FRMD6: variants seen among roughly 807,000 people sequenced by gnomAD.
FRMD6 encodes the protein FERM domain-containing protein 6.
Under a neutral mutation model 73.2 loss-of-function variants are expected in FRMD6, and 37 were observed. The observed-to-expected ratio is 0.51, with a 90% confidence interval of 0.39 to 0.66. FRMD6 has a LOEUF of 0.66. Among genes scored for constraint, FRMD6 ranks in the 30% least tolerant of loss-of-function variants. The probability of loss-of-function intolerance (pLI) is 0.00; values close to 1 mark genes in which losing one functional copy is unlikely to be tolerated. For synonymous variants in FRMD6, 273 were observed against 282.2 expected (o/e 0.97, Z 0.33); for missense variants, 714 against 780.5 (o/e 0.91, Z 1.02).
At chr14:51,668,820 AC>A (rs1893791050) in intron 1 of FRMD6, among the ~76,000 whole-genome samples, 1 of 151,638 alleles carries the variant, frequency 6.6e-6, no homozygotes, top group Non-Finnish European at 1.5e-5. Context: ...GGCATGCACC[AC>A]CACACCCGGC....
the FRMD6 span, among the ~76,000 whole-genome samples, chr14:51,428,414 T>G: frequency 6.6e-6 from 1 of 152,230 alleles, no homozygotes; most frequent in East Asian, 1.9e-4. Flanking sequence ...TCTACTGCAA[T>G]GATCTCAGTG....
chr14:51,634,696 CCT>C (rs1349911178), intron 2 of FRMD6, among the ~76,000 whole-genome samples: 1 of 151,880 alleles, frequency 6.6e-6, no homozygotes, highest in Non-Finnish European at 1.5e-5. Context: ...TAGAAAATTC[CCT>C]CTCACAAATT....
intron 11 of FRMD6, among the ~76,000 whole-genome samples, chr14:51,721,712 AAGGAAGG>A (rs1897592678): frequency 9.0e-6 from 1 of 111,480 alleles, no homozygotes; most frequent in African/African-American, 3.4e-5. Context: ...GGAAGGAAGG[AAGGAAGG>A]GAGGGAGGAA....
chr14:51,609,988 G>T (rs1285132973), intron 2 of FRMD6, among the ~76,000 whole-genome samples: 1 of 152,146 alleles, frequency 6.6e-6, no homozygotes, highest in African/African-American at 2.4e-5. Flanking sequence ...TCAGATAGAG[G>T]ATTGAGCTCT....
chr14:51,552,565 A>G (rs1018338430), intron 1 of FRMD6, among the ~76,000 whole-genome samples: 15 of 152,224 alleles, frequency 9.9e-5, no homozygotes, highest in Non-Finnish European at 1.6e-4. Context: ...GCGTTCACCC[A>G]GTGCTAGTTT....
At chr14:51,714,494 A>G (rs1897134940) in intron 9 of FRMD6, 1 of 152,182 alleles carries the variant, frequency 6.6e-6, no homozygotes, top group African/African-American at 2.4e-5. Flanking sequence ...CCTATTCATT[A>G]TTAGGAAAGT....
intron 1 of FRMD6, among the ~76,000 whole-genome samples, chr14:51,517,256 A>G (rs1168099983): frequency 1.3e-5 from 2 of 152,158 alleles, no homozygotes; most frequent in African/African-American, 4.8e-5. Flanking sequence ...CGGTTTGGTT[A>G]TTTCCATACA....
chr14:51,676,981 A>G (rs568522252), intron 1 of FRMD6, among the ~76,000 whole-genome samples: 2 of 152,048 alleles, frequency 1.3e-5, no homozygotes, highest in Non-Finnish European at 2.9e-5. Context: ...AGAACCTTCT[A>G]TTTGTAATCT....
intron 2 of FRMD6, among the ~76,000 whole-genome samples, chr14:51,610,327 C>T (rs1261699514): frequency 5.1e-5 from 4 of 77,824 alleles, no homozygotes; most frequent in Admixed American, 1.1e-4. Flanking sequence ...TTTTTTTAAT[C>T]CCTTTTTTTT....
At chr14:51,437,661 T>C in the FRMD6 span, among the ~76,000 whole-genome samples, 7 of 152,346 alleles carry the variant, frequency 4.6e-5, no homozygotes, top group East Asian at 9.7e-4. Flanking sequence ...AGTCTTCCTT[T>C]TTCCCTTTTT....
At chr14:51,561,755 G>T (rs187256662) in intron 1 of FRMD6, among the ~76,000 whole-genome samples, 1 of 152,208 alleles carries the variant, frequency 6.6e-6, no homozygotes, top group Admixed American at 6.5e-5. Context: ...GAAAAAGAAG[G>T]TCAAGGGCAT....
chr14:51,400,256 A>C, the FRMD6 span, among the ~76,000 whole-genome samples: 1 of 152,188 alleles, frequency 6.6e-6, no homozygotes, highest in African/African-American at 2.4e-5. Context: ...CCCTTTGACC[A>C]ATGTCTTTCC....
the FRMD6 span, among the ~76,000 whole-genome samples, chr14:51,435,365 CAA>C: frequency 6.6e-6 from 1 of 150,864 alleles, no homozygotes; most frequent in African/African-American, 2.4e-5. Flanking sequence ...CACTTGAGCC[CAA>C]GAGTTCGAGA....
At chr14:51,528,151 A>G (rs1249721103) in intron 1 of FRMD6, among the ~76,000 whole-genome samples, 1 of 152,160 alleles carries the variant, frequency 6.6e-6, no homozygotes, top group Non-Finnish European at 1.5e-5. Flanking sequence ...CAAAAAAACA[A>G]CAAACAAACA....
At chr14:51,541,836 G>A (rs1426176562) in intron 1 of FRMD6, among the ~76,000 whole-genome samples, 2 of 152,084 alleles carry the variant, frequency 1.3e-5, no homozygotes, top group African/African-American at 4.8e-5. Context: ...AGGCCCTGGA[G>A]TTGTGTCATT....
chr14:51,715,514 G>T lies in FRMD6; in HGVS notation c.1024+15G>T, dbSNP rs1363370327. Reference sequence around the variant, plus strand: ...GGAAAACGAAGGTATTGCAGGGTCTGGGGTGTGGAAGCAAATTGTACCTTT... The same window carrying T: ...GGAAAACGAAGGTATTGCAGGGTCTTGGGTGTGGAAGCAAATTGTACCTTT... On this transcript the variant is annotated intron_variant, in intron 10 of 13. Coordinates refer to ENST00000344768, the MANE Select transcript of FRMD6 (RefSeq NM_001267046.2). The T allele has an allele frequency of 6.3e-7, 1 of 1,578,076 alleles. No homozygotes were observed. Among genetic ancestry groups the T allele is most frequent in the Admixed American group, 1.8e-5 (1 of 55,452 alleles).
At chr14:51,423,501 G>A in the FRMD6 span, among the ~76,000 whole-genome samples, 1 of 152,180 alleles carries the variant, frequency 6.6e-6, no homozygotes, top group Admixed American at 6.5e-5. Context: ...GACAGGAACT[G>A]AGCTCCTGAG....
intron 2 of FRMD6, among the ~76,000 whole-genome samples, chr14:51,691,871 A>G (rs938961001): frequency 1.3e-5 from 2 of 152,176 alleles, no homozygotes; most frequent in African/African-American, 4.8e-5. Context: ...CTAGGATTAC[A>G]GGCGTGAGCC....
rs558736802 is a variant in FRMD6 at position 51,618,283 on chromosome 14, T to C, written c.-147+47873T>C. Among the ~76,000 whole-genome samples, 4 of 152,174 alleles carry C rather than the reference T, an allele frequency of 2.6e-5. No homozygotes were observed. In the Middle Eastern group the frequency reaches 0.014, roughly 518 times the overall value. The stretch of plus-strand genomic sequence containing the variant: ...GTTCAGAGGAGGGAGAGGAAGGAAA[T>C]GTTTCAGATCACTTTCAATACCAAA... On this transcript the variant is annotated intron_variant, in intron 2 of 14. Coordinates refer to the FRMD6 transcript ENST00000356218.
Sources: gnomAD v4.1 joint callset for allele counts (sites outside exome capture counted in the v4.1 genomes callset) on GRCh38, gnomAD v4.1.1 for gene constraint, MANE v1.5 for transcripts, NCBI Gene and HGNC (gene_info 2026-07-23, HGNC 2026-07-21) for gene names.